Variants in CCDC102B observed in about 807,000 individuals in gnomAD.
The protein encoded by CCDC102B is coiled-coil domain-containing protein 102B.
In CCDC102B, 75 loss-of-function variants were observed where a neutral mutation model predicts 57.4. The observed-to-expected ratio is 1.31, with a 90% CI of 1.08 to 1.58. CCDC102B has a LOEUF of 1.58. Among genes scored for constraint, CCDC102B ranks in the 40% most tolerant of loss-of-function variants. CCDC102B has a pLI of 0.00. For missense variants in CCDC102B, 636 were observed against 582.6 expected (o/e 1.09, Z -0.94); for synonymous variants, 206 against 201.9 (o/e 1.02, Z -0.17).
At chr18:68,772,953 G>A (rs2034690012) in intron 2 of CCDC102B, among the ~76,000 whole-genome samples, 1 of 152,068 alleles carries the variant, frequency 6.6e-6, no homozygotes, top group African/African-American at 2.4e-5. Context: ...GTAAAAGGGA[G>A]TTAAAGCTTT....
downstream of CCDC102B, among the ~76,000 whole-genome samples, chr18:69,055,970 A>G (rs2052808734): frequency 6.6e-6 from 1 of 152,126 alleles, no homozygotes; most frequent in Admixed American, 6.6e-5. Flanking sequence ...CAGTGATCTT[A>G]GTACAGACAT....
intron 5 of CCDC102B, among the ~76,000 whole-genome samples, chr18:68,888,199 G>A (rs1268646422): frequency 6.6e-6 from 1 of 152,074 alleles, no homozygotes; most frequent in Non-Finnish European, 1.5e-5. Context: ...TGTAAGAAAT[G>A]GTATGGAAAA....
intron 1 of CCDC102B, among the ~76,000 whole-genome samples, chr18:68,833,905 G>A (rs1195219730): frequency 6.6e-6 from 1 of 152,062 alleles, no homozygotes; most frequent in Admixed American, 6.6e-5. Context: ...AGTCAACATC[G>A]TTAAAATATT....
intron 6 of CCDC102B, among the ~76,000 whole-genome samples, chr18:68,989,558 G>A (rs548266714): frequency 6.6e-6 from 1 of 152,206 alleles, no homozygotes; most frequent in Non-Finnish European, 1.5e-5. Context: ...GTATGCCAGT[G>A]CTTAGGAAAT....
At chr18:68,762,917 A>G (rs2034301261) in intron 2 of CCDC102B, among the ~76,000 whole-genome samples, 1 of 152,068 alleles carries the variant, frequency 6.6e-6, no homozygotes, top group Non-Finnish European at 1.5e-5. Flanking sequence ...GGGGCTTGGA[A>G]TGTATCCGCT....
At chr18:69,021,382 C>T (rs1462358207) in intron 7 of CCDC102B, among the ~76,000 whole-genome samples, 1 of 152,112 alleles carries the variant, frequency 6.6e-6, no homozygotes, top group Non-Finnish European at 1.5e-5. Flanking sequence ...CAGAAAGAAG[C>T]CATCTGCAGG....
intron 2 of CCDC102B, among the ~76,000 whole-genome samples, chr18:68,736,958 TGGC>T (rs2033158400): frequency 6.6e-6 from 1 of 152,008 alleles, no homozygotes; most frequent in Non-Finnish European, 1.5e-5. Context: ...CAGGTGTGTG[TGGC>T]GAGTGACGAT....
Position 69,044,845 on chromosome 18 carries a change from C to T in CCDC102B, c.1435-9185C>T, listed in dbSNP as rs116985001. 8.7e-4 allele frequency among the ~76,000 whole-genome samples: 132 copies of T among 152,248 alleles called. 2 individuals carry two copies. In the East Asian group the frequency reaches 0.022, roughly 25 times the overall value. On this transcript the variant is annotated intron_variant, in intron 7 of 7. Transcript: ENST00000360242. ...TATGAGGCAGCATGGGCTGCCATAA[C>T]GAAATACCACAAATTGAGTAGCTTA...
chr18:68,879,454 A>T (rs2039591985), intron 5 of CCDC102B, among the ~76,000 whole-genome samples: 1 of 152,172 alleles, frequency 6.6e-6, no homozygotes, highest in African/African-American at 2.4e-5. Context: ...TGATTGGTAG[A>T]GTCCAGTGGT....
chr18:68,755,550 G>A (rs2034018451), intron 2 of CCDC102B, among the ~76,000 whole-genome samples: 1 of 152,070 alleles, frequency 6.6e-6, no homozygotes, highest in African/African-American at 2.4e-5. Context: ...AAGCTGCAAT[G>A]TAAAGTAGAA....
intron 6 of CCDC102B, among the ~76,000 whole-genome samples, chr18:68,898,417 A>G (rs368229499): frequency 3.6e-4 from 55 of 152,178 alleles, no homozygotes; most frequent in African/African-American, 1.3e-3. Context: ...TAGCAATGCA[A>G]ATATCTAAAG....
intron 6 of CCDC102B, among the ~76,000 whole-genome samples, chr18:68,903,541 T>C (rs867115870): frequency 2.0e-5 from 3 of 152,340 alleles, no homozygotes; most frequent in African/African-American, 4.8e-5. Flanking sequence ...TGATCTATAG[T>C]ATCTATAGTG....
At chr18:69,056,681 A>ATAGG (rs2052823246), downstream of CCDC102B, among the ~76,000 whole-genome samples, 7 of 151,278 alleles carry the variant, frequency 4.6e-5, no homozygotes, top group African/African-American at 1.5e-4. Context: ...AGATAGATAG[A>ATAGG]TAGGATAGAG....
At chr18:69,003,544 G>A (rs894483165) in intron 6 of CCDC102B, among the ~76,000 whole-genome samples, 16 of 152,186 alleles carry the variant, frequency 1.1e-4, no homozygotes, top group Non-Finnish European at 1.8e-4. Flanking sequence ...AAGGGGAAAA[G>A]ATCCCCATCC....
intron 2 of CCDC102B, among the ~76,000 whole-genome samples, chr18:68,785,976 T>A (rs1293591450): frequency 6.6e-6 from 1 of 152,070 alleles, no homozygotes; most frequent in Non-Finnish European, 1.5e-5. Context: ...AACGTTTAGG[T>A]CTTTAATCCA....
chr18:68,990,670 T>C (rs2050841156), intron 6 of CCDC102B, among the ~76,000 whole-genome samples: 2 of 152,206 alleles, frequency 1.3e-5, no homozygotes, highest in South Asian at 2.1e-4. Context: ...TTTCCACAGA[T>C]GTTAAAGCTT....
At chr18:68,744,280 G>A (rs904690373) in intron 2 of CCDC102B, among the ~76,000 whole-genome samples, 1 of 152,130 alleles carries the variant, frequency 6.6e-6, no homozygotes, top group Non-Finnish European at 1.5e-5. Context: ...TAAGTAATTT[G>A]TTGTTCTGAC....
rs559115323 is a variant in CCDC102B, at chr18:68,970,203, A to G, written c.1264-40731A>G. On this transcript the variant is annotated intron_variant, in intron 6 of 7. Transcript: ENST00000360242. ...AGTAAACAGATAAAATATTAGTAAT[A>G]AATCTTTAAAGCACACTTCTTTATC... Among the ~76,000 whole-genome samples, 3 of 152,196 alleles carry G rather than the reference A, an allele frequency of 2.0e-5. No individual in the cohort carries two copies. In the East Asian group the frequency reaches 5.8e-4, roughly 29 times the overall value.
chr18:68,789,918 G>C (rs1220315049), intron 2 of CCDC102B, among the ~76,000 whole-genome samples: 1 of 151,942 alleles, frequency 6.6e-6, no homozygotes, highest in Non-Finnish European at 1.5e-5. Context: ...GCTTTTTAGA[G>C]TTTCCAGTTT....
Sources: gnomAD v4.1 joint callset for allele counts (sites outside exome capture counted in the v4.1 genomes callset) on GRCh38, gnomAD v4.1.1 for gene constraint, MANE v1.5 for transcripts, NCBI Gene and HGNC (gene_info 2026-07-23, HGNC 2026-07-21) for gene names.